ITGBL1: variants seen among roughly 807,000 people sequenced by gnomAD.
ITGBL1 encodes the protein integrin beta-like protein 1.
A neutral mutation model predicts 68.5 loss-of-function variants in ITGBL1; 51 were observed. The observed-to-expected ratio is 0.74, with a 90% CI of 0.59 to 0.94. The LOEUF is 0.94. Among genes scored for constraint, ITGBL1 ranks in the 40% least tolerant of loss-of-function variants. ITGBL1 has a pLI of 0.00. For missense variants in ITGBL1, 649 were observed against 647.4 expected, an observed-to-expected ratio of 1.00 and a Z score of -0.03; for synonymous variants, 209 against 227.3, an observed-to-expected ratio of 0.92 and a Z score of 0.72.
At chr13:101,496,716 AT>A (rs1271289743) in intron 2 of ITGBL1, among the ~76,000 whole-genome samples, 2 of 152,122 alleles carry the variant, frequency 1.3e-5, no homozygotes, top group East Asian at 3.9e-4. Flanking sequence ...AAATCCACAC[AT>A]ATATTAGAGA....
intron 7 of ITGBL1, among the ~76,000 whole-genome samples, chr13:101,604,843 G>GC (rs2030596344): frequency 2.5e-5 from 1 of 39,578 alleles, no homozygotes; most frequent in African/African-American, 8.6e-5. Flanking sequence ...CCAGGTGAAG[G>GC]CAATATATAT....
At chr13:101,637,644 A>G (rs2032222032) in intron 7 of ITGBL1, among the ~76,000 whole-genome samples, 1 of 152,130 alleles carries the variant, frequency 6.6e-6, no homozygotes, top group Non-Finnish European at 1.5e-5. Flanking sequence ...TGCACCATGG[A>G]ACAATAATTT....
At chr13:101,606,204 T>C (rs1418689928) in intron 7 of ITGBL1, among the ~76,000 whole-genome samples, 1 of 145,350 alleles carries the variant, frequency 6.9e-6, no homozygotes, top group Non-Finnish European at 1.5e-5. Flanking sequence ...CCTTATATCA[T>C]ATATATATGA....
intron 7 of ITGBL1, among the ~76,000 whole-genome samples, chr13:101,612,622 A>T (rs1483553489): frequency 2.0e-5 from 3 of 152,074 alleles, no homozygotes; most frequent in Non-Finnish European, 4.4e-5. Flanking sequence ...GCTTGAGTCT[A>T]GATATATTCT....
intron 2 of ITGBL1, among the ~76,000 whole-genome samples, chr13:101,525,553 G>C (rs2049362333): frequency 6.7e-6 from 1 of 149,766 alleles, no homozygotes; most frequent in Non-Finnish European, 1.5e-5. Context: ...GAAAAAATTA[G>C]GTTTCTTTTT....
intron 2 of ITGBL1, among the ~76,000 whole-genome samples, chr13:101,538,565 A>G (rs1355212043): frequency 6.6e-6 from 1 of 152,170 alleles, no homozygotes; most frequent in African/African-American, 2.4e-5. Context: ...TTCATTTTTG[A>G]AAAACATAAC....
At chr13:101,575,815 TAG>T (rs1354296576) in intron 4 of ITGBL1, among the ~76,000 whole-genome samples, 1 of 152,156 alleles carries the variant, frequency 6.6e-6, no homozygotes, top group Non-Finnish European at 1.5e-5. Flanking sequence ...GTAGTCCTAG[TAG>T]AATACCATCT....
At chr13:101,696,369 C>A (rs552870814) in intron 8 of ITGBL1, among the ~76,000 whole-genome samples, 20 of 152,278 alleles carry the variant, frequency 1.3e-4, no homozygotes, top group African/African-American at 4.6e-4. Flanking sequence ...CACCAGGTTT[C>A]TGTTTTGAGC....
chr13:101,457,292 T>C (rs957321431), intron 2 of ITGBL1, among the ~76,000 whole-genome samples: 1 of 152,150 alleles, frequency 6.6e-6, no homozygotes, highest in African/African-American at 2.4e-5. Flanking sequence ...AATTTACTTC[T>C]CTTCATGTAG....
intron 2 of ITGBL1, among the ~76,000 whole-genome samples, chr13:101,525,755 C>T (rs991272394): frequency 2.6e-5 from 4 of 151,970 alleles, no homozygotes; most frequent in Admixed American, 2.0e-4. Context: ...AAAACATTCT[C>T]GTTGTGTAAC....
chr13:101,585,633 T>C (rs1175486258), intron 6 of ITGBL1, among the ~76,000 whole-genome samples: 2 of 152,018 alleles, frequency 1.3e-5, no homozygotes, highest in African/African-American at 4.8e-5. Flanking sequence ...GGTTTCACTG[T>C]GTTAGCCAGG....
chr13:101,666,009 A>T (rs1309363888), intron 7 of ITGBL1, among the ~76,000 whole-genome samples: 1 of 152,082 alleles, frequency 6.6e-6, no homozygotes, highest in African/African-American at 2.4e-5. Context: ...TCCTCATTTT[A>T]CCTTCAAAAA....
intron 2 of ITGBL1, among the ~76,000 whole-genome samples, chr13:101,524,411 C>T (rs185068342): frequency 3.1e-4 from 45 of 144,876 alleles, no homozygotes; most frequent in African/African-American, 1.1e-3. Flanking sequence ...TGCAATTATT[C>T]CTGAATACAA....
At chr13:101,499,773 G>GT (rs558677409) in intron 2 of ITGBL1, among the ~76,000 whole-genome samples, 2 of 152,210 alleles carry the variant, frequency 1.3e-5, no homozygotes, top group Non-Finnish European at 2.9e-5. Context: ...AGAGATTTCT[G>GT]TATTTAAAAT....
intron 8 of ITGBL1, among the ~76,000 whole-genome samples, chr13:101,701,598 T>G (rs561074453): frequency 6.6e-6 from 1 of 152,274 alleles, no homozygotes; most frequent in South Asian, 2.1e-4. Context: ...CATTTTATAT[T>G]ATTTGCAATG....
chr13:101,484,411 C>T (rs2048671705), intron 2 of ITGBL1, among the ~76,000 whole-genome samples: 1 of 152,042 alleles, frequency 6.6e-6, no homozygotes, highest in Non-Finnish European at 1.5e-5. Flanking sequence ...TAAAAATTCT[C>T]AGTGATTTTT....
intron 7 of ITGBL1, among the ~76,000 whole-genome samples, chr13:101,613,413 G>T (rs192506008): frequency 4.6e-5 from 7 of 152,262 alleles, no homozygotes; most frequent in African/African-American, 1.7e-4. Context: ...CATAGAGTTT[G>T]GGAAAATAAG....
intron 4 of ITGBL1, among the ~76,000 whole-genome samples, chr13:101,577,613 C>A (rs1462963666): frequency 2.0e-5 from 3 of 151,950 alleles, no homozygotes; most frequent in Non-Finnish European, 4.4e-5. Context: ...TATAGTAATC[C>A]TTACTTATGT....
intron 7 of ITGBL1, among the ~76,000 whole-genome samples, chr13:101,629,811 C>A (rs1349261265): frequency 6.6e-6 from 1 of 151,894 alleles, no homozygotes; most frequent in Non-Finnish European, 1.5e-5. Flanking sequence ...ATATTTTGAG[C>A]CCATTTATTT....
Sources: gnomAD v4.1 joint callset for allele counts (sites outside exome capture counted in the v4.1 genomes callset) on GRCh38, gnomAD v4.1.1 for gene constraint, MANE v1.5 for transcripts, NCBI Gene and HGNC (gene_info 2026-07-23, HGNC 2026-07-21) for gene names.